SLC30A5: variants seen among roughly 807,000 people sequenced by gnomAD.
SLC30A5 encodes solute carrier family 30 member 5, also known as proton-coupled zinc antiporter SLC30A5.
A neutral mutation model predicts 79.6 loss-of-function variants in SLC30A5; 33 were observed. The observed-to-expected ratio is 0.41, with a 90% CI of 0.31 to 0.55. SLC30A5 has a LOEUF of 0.55. Among genes scored for constraint, SLC30A5 ranks in the 20% least tolerant of loss-of-function variants. SLC30A5 has a pLI of 0.20. For missense variants in SLC30A5, 788 were observed against 928.1 expected, an observed-to-expected ratio of 0.85 and a Z score of 1.96; for synonymous variants, 299 against 319.7, an observed-to-expected ratio of 0.94 and a Z score of 0.69.
At chr5:69,101,749 G>C (rs962561505) in intron 2 of SLC30A5, among the ~76,000 whole-genome samples, 1 of 151,096 alleles carries the variant, frequency 6.6e-6, no homozygotes, top group Non-Finnish European at 1.5e-5. Context: ...CTGAGGTCAG[G>C]AGTTGGAGAC....
chr5:69,128,246 A>AAC, intron 15 of SLC30A5, 114 bp downstream of exon 15: 21 of 650,234 alleles, frequency 3.2e-5, no homozygotes, highest in Non-Finnish European at 4.5e-5. Flanking sequence ...TCAATCTTCC[A>AAC]ACTCTTTTTT....
chr5:69,117,143 G>C (rs1746392528), intron 10 of SLC30A5, 96 bp from the exon 11 acceptor site: 6 of 938,894 alleles, frequency 6.4e-6, no homozygotes, highest in African/African-American at 1.6e-5. Context: ...AATTATAGCA[G>C]ATCTTCAAGT....
rs546678550 is a variant in SLC30A5, at chr5:69,130,484, C to T, written c.*867C>T. The T allele has an allele frequency of 3.3e-5, 5 of 152,202 alleles. No homozygotes were observed. Among genetic ancestry groups the T allele is most frequent in the South Asian group, 2.1e-4 (1 of 4,822 alleles). 9.4% of individuals were successfully genotyped at this position (152,202 alleles called of 1,614,324 possible). ...TTGTGAAACAGCCAGTTAAGAGAATCGTAAATAATTGTCAACTCACAGTTG... is the reference window on the plus strand; with the variant it reads ...TTGTGAAACAGCCAGTTAAGAGAATTGTAAATAATTGTCAACTCACAGTTG... On this transcript the variant is annotated 3_prime_UTR_variant, in exon 16 of 16. Transcript: ENST00000396591.
At chr5:69,101,334 T>C (rs1403581741) in intron 2 of SLC30A5, among the ~76,000 whole-genome samples, 1 of 151,998 alleles carries the variant, frequency 6.6e-6, no homozygotes, top group Non-Finnish European at 1.5e-5. Context: ...TGGAGTGCAG[T>C]GGCGTGATCT....
rs541324511 is a variant in SLC30A5 at position 69,117,297 on chromosome 5, C to T, written c.1340C>T (p.Ser447Leu). 3 of 1,613,712 alleles carry T rather than the reference C, an allele frequency of 1.9e-6. No individual in the cohort carries two copies. Among genetic ancestry groups the T allele is most frequent in the African/African-American group, 1.3e-5 (1 of 74,930 alleles). Residue 447 changes from serine (S) to leucine (L), a missense_variant, in exon 11 of 16, where the codon TCG (serine) becomes TTG (leucine). Physicochemically the swap from Ser to Leu is moderately radical, Grantham distance 145. This residue lies in a region of SLC30A5 where 626 missense variants were observed against 755.5 expected (regional missense o/e 0.83). Transcript: ENST00000396591. ...GVLTNSLGLISDGFHMLFDCS... is the reference protein window; with the variant it reads ...GVLTNSLGLILDGFHMLFDCS... The stretch of plus-strand genomic sequence containing the variant: ...CTGACCAATAGTCTGGGCCTGATCT[C>T]GGATGGATTCCACATGCTTTTTGAC...
In SLC30A5 at chr5:69,101,049, T is replaced by G. The variant is rs1365766867; in HGVS notation, c.206+120T>G. 1.4e-5 allele frequency: 14 copies of G among 1,004,612 alleles called. No individual in the cohort carries two copies. The East Asian group carries it at 3.1e-4, about 23-fold the overall frequency. 62.2% of individuals were successfully genotyped at this position (1,004,612 alleles called of 1,614,324 possible). ...TTGTTTGTTCCTCCTGACAAGTATT[T>G]GATAAACTTTTTTAACTGGGAGTAT... is the stretch of plus-strand genomic sequence containing the variant. On this transcript the variant is annotated intron_variant, in intron 2 of 15. Coordinates refer to ENST00000396591, the MANE Select transcript of SLC30A5 (RefSeq NM_022902.5).
chr5:69,119,479 G>GT (rs1477240167), intron 12 of SLC30A5, among the ~76,000 whole-genome samples: 9 of 152,032 alleles, frequency 5.9e-5, no homozygotes, highest in African/African-American at 2.2e-4. Flanking sequence ...ATTAAGATAT[G>GT]TAAGTATCTT....
intron 5 of SLC30A5, among the ~76,000 whole-genome samples, chr5:69,109,560 A>G (rs1193578056): frequency 1.3e-5 from 2 of 152,140 alleles, no homozygotes; most frequent in African/African-American, 4.8e-5. Context: ...TTCATGTTGT[A>G]CTCATGCACC....
chr5:69,107,952 C>T (rs1482919161), intron 4 of SLC30A5, among the ~76,000 whole-genome samples: 3 of 152,138 alleles, frequency 2.0e-5, no homozygotes, highest in African/African-American at 4.8e-5. Flanking sequence ...AGAGTGGTCT[C>T]GATCTTTTGA....
Position 69,103,127 on chromosome 5 carries a change from A to AGATAATTGGATCACTAAAAATTCCT in SLC30A5, c.273_273+1insATAATTGGATCACTAAAAATTCCTG (p.Trp92IlefsTer14). 6.4e-7 allele frequency: 1 copy of AGATAATTGGATCACTAAAAATTCCT among 1,574,332 alleles called. No homozygotes were observed. The highest frequency in any genetic ancestry group is 8.7e-7 in the Non-Finnish European group (1 of 1,149,704). On this transcript the variant is annotated frameshift_variant and splice_region_variant, in exon 3 of 16. Transcript: ENST00000396591. LOFTEE classifies it high-confidence loss of function. ...TCTGGGAAAACTATTACCAAACACC[A>AGATAATTGGATCACTAAAAATTCCT]GGTAAGATTTTTGCAGAATCTTTTA...
intron 1 of SLC30A5, among the ~76,000 whole-genome samples, chr5:69,099,102 T>C (rs549077026): frequency 6.6e-6 from 1 of 152,230 alleles, no homozygotes; most frequent in Non-Finnish European, 1.5e-5. Context: ...AGGGTAACTC[T>C]GCTAAGTAAA....
intron 1 of SLC30A5, 30 bp from the exon 2 acceptor site, chr5:69,100,777 C>T: frequency 6.4e-7 from 1 of 1,562,180 alleles, no homozygotes; most frequent in Non-Finnish European, 8.8e-7. Flanking sequence ...TTCAGTGATA[C>T]TAAAAATTGT....
At chr5:69,122,851 G>A (rs1037234511) in intron 13 of SLC30A5, among the ~76,000 whole-genome samples, 1 of 151,908 alleles carries the variant, frequency 6.6e-6, no homozygotes, top group African/African-American at 2.4e-5. Context: ...AAAAAAAATG[G>A]AGGAAGTACT....
chr5:69,124,494 T>C (rs1746623147), intron 14 of SLC30A5, among the ~76,000 whole-genome samples: 1 of 152,230 alleles, frequency 6.6e-6, no homozygotes. Context: ...TATATCTCTA[T>C]ACCATATTAT....
In SLC30A5 at chr5:69,116,493, C is replaced by T. The variant is rs1309614339; in HGVS notation, c.1172C>T (p.Ala391Val). 1 of 1,612,230 alleles carries T rather than the reference C, an allele frequency of 6.2e-7. No individual in the cohort carries two copies. Among genetic ancestry groups the T allele is most frequent in the South Asian group, 1.1e-5 (1 of 90,630 alleles). ...GTPLYNFMGD[A>V]FQHSSQSIPR... Reference sequence around the variant, plus strand: ...CCTCTTTATAACTTCATGGGTGATGCTTTTCAGCATAGCTCTCAATCGATC... The same window carrying T: ...CCTCTTTATAACTTCATGGGTGATGTTTTTCAGCATAGCTCTCAATCGATC... Residue 391 changes from alanine (A) to valine (V), a missense_variant, in exon 10 of 16, where the codon GCT becomes GTT. Ala to Val is a moderately conservative substitution (Grantham distance 64, BLOSUM62 0). This residue lies in a region of SLC30A5 where 626 missense variants were observed against 755.5 expected (regional missense o/e 0.83). Transcript: ENST00000396591. This position sits in a 1 kb window ranked among gnomAD's most constrained non-coding sequence, Gnocchi z 4.0.
rs78204359 is a variant in SLC30A5 at position 69,116,335 on chromosome 5, G to A, written c.1073-59G>A. Reference sequence around the variant, plus strand: ...TGCATTTAGTGCCGACAGTTACTGTGTTGGTTTTGGTAGCTTAAACTTCGA... The same window carrying A: ...TGCATTTAGTGCCGACAGTTACTGTATTGGTTTTGGTAGCTTAAACTTCGA... On this transcript the variant is annotated intron_variant, in intron 9 of 15. Coordinates refer to ENST00000396591, the MANE Select transcript of SLC30A5 (RefSeq NM_022902.5). This position sits in a 1 kb window ranked among gnomAD's most constrained non-coding sequence, Gnocchi z 4.0. 4.6e-3 allele frequency: 6,919 copies of A among 1,506,962 alleles called. 20 individuals are homozygous for A. Among genetic ancestry groups the A allele is most frequent in the Non-Finnish European group, 5.7e-3 (6,383 of 1,123,584 alleles). The allele number at this position is 1,506,962 out of a possible 1,614,324, so 93.3% of individuals were successfully genotyped here. A position where few individuals can be genotyped will look rare whatever the true frequency, so the allele number is the denominator to read the frequency against.
At chr5:69,127,876 A>T in intron 14 of SLC30A5, 128 bp from the exon 15 acceptor site, 3 of 713,822 alleles carry the variant, frequency 4.2e-6, no homozygotes, top group Admixed American at 2.8e-5. Flanking sequence ...TTTGTTTTGT[A>T]TTTTAAAGAG....
intron 15 of SLC30A5, 116 bp from the exon 16 acceptor site, chr5:69,129,331 T>C: frequency 1.4e-6 from 1 of 711,652 alleles, no homozygotes; most frequent in Non-Finnish European, 2.2e-6. Context: ...GCGTCTCAGA[T>C]TTCGTATTTT....
chr5:69,113,124 TTTTC>T lies in SLC30A5; in HGVS notation c.448-12_448-9del. On this transcript the variant is annotated splice_polypyrimidine_tract_variant and intron_variant, in intron 5 of 15. Transcript: ENST00000396591. The stretch of plus-strand genomic sequence containing the variant: ...CTTGAAAAAGTCATCCTTGATGTTG[TTTTC>T]TTTATTTTCAGACAAGGGGAGCTGC... 1.2e-6 allele frequency: 2 copies of T among 1,605,974 alleles called. No individual in the cohort carries two copies. The highest frequency in any genetic ancestry group is 1.7e-5 in the Admixed American group (1 of 59,414).
Sources: gnomAD v4.1 joint callset for allele counts (sites outside exome capture counted in the v4.1 genomes callset) on GRCh38, gnomAD v4.1.1 for gene constraint, gnomAD v4.1.1 regional missense constraint, Gnocchi (gnomAD v3.1) non-coding constraint, MANE v1.5 for transcripts, NCBI Gene and HGNC (gene_info 2026-07-23, HGNC 2026-07-21) for gene names.